FDFT1: variants seen among roughly 807,000 people sequenced by gnomAD.
The protein encoded by FDFT1 is squalene synthase.
In FDFT1, 68 loss-of-function variants were observed where a neutral mutation model predicts 46.8. The ratio of observed to expected loss-of-function variants is 1.45; its 90% CI spans 1.19 to 1.78. FDFT1 has a LOEUF of 1.78. FDFT1 is among the 40% of genes most tolerant of loss of function. The pLI is 0.00. For synonymous variants in FDFT1, 351 were observed against 185.1 expected, an observed-to-expected ratio of 1.90 and a Z score of -7.28; for missense variants, 928 against 524.4, an observed-to-expected ratio of 1.77 and a Z score of -7.52.
intron 3 of FDFT1, among the ~76,000 whole-genome samples, chr8:11,818,531 G>A (rs959648454): frequency 1.3e-5 from 2 of 152,174 alleles, no homozygotes; most frequent in African/African-American, 4.8e-5. Flanking sequence ...CTTGCTTTAT[G>A]AATCTGGGTG....
At chr8:11,825,162 T>G (rs1216041252) in intron 4 of FDFT1, among the ~76,000 whole-genome samples, 1 of 152,190 alleles carries the variant, frequency 6.6e-6, no homozygotes, top group Non-Finnish European at 1.5e-5. Flanking sequence ...GATTAAACCA[T>G]AGTTGGTATT....
intron 7 of FDFT1, among the ~76,000 whole-genome samples, chr8:11,838,151 G>A (rs1381877153): frequency 6.6e-6 from 1 of 152,246 alleles, no homozygotes; most frequent in Admixed American, 6.5e-5. Context: ...TCTGGGTGCA[G>A]TATGCACACC....
At chr8:11,823,016 G>A (rs923959567) in intron 4 of FDFT1, among the ~76,000 whole-genome samples, 15 of 152,148 alleles carry the variant, frequency 9.9e-5, no homozygotes, top group African/African-American at 3.6e-4. Context: ...GTGTAGTGGT[G>A]TGATCACGGC....
In FDFT1 at chr8:11,808,954, T is replaced by C. The variant is rs976763872; in HGVS notation, c.197+63T>C. On this transcript the variant is annotated intron_variant, in intron 2 of 7. Transcript: ENST00000220584. ...GCTTGTCCGGGACCTTTGAGTGTGT[T>C]GGAAGCTACCTTTTGATATAGCGCT... 4 of 1,573,740 alleles carry C rather than the reference T, an allele frequency of 2.5e-6. No individual in the cohort carries two copies. The African/African-American group carries it at 4.1e-5, about 16-fold the overall frequency.
Position 11,826,131 on chromosome 8 carries a change from T to A in FDFT1, c.618T>A (p.Ser206=). 1 of 1,609,610 alleles carries A rather than the reference T, an allele frequency of 6.2e-7. No homozygotes were observed. The highest frequency in any genetic ancestry group is 1.7e-5 in the Admixed American group (1 of 59,958). Residue 206 remains serine, a synonymous_variant, in exon 5 of 8, where the codon TCT becomes TCA. Transcript: ENST00000220584. ...GTGAAGATACAGAACGTGCCAACTC[T>A]ATGGGCCTGTTTTTGCAGAAAACAA... ...LVGEDTERAN[S]MGLFLQKTNI...
intron 7 of FDFT1, among the ~76,000 whole-genome samples, chr8:11,832,763 A>G (rs1041653606): frequency 1.3e-5 from 2 of 151,936 alleles, no homozygotes; most frequent in Non-Finnish European, 2.9e-5. Flanking sequence ...GCCCAGGATG[A>G]TGCTGTGATC....
chr8:11,826,270 T>C (rs1809974451), intron 5 of FDFT1, 55 bp downstream of exon 5: 7 of 1,335,014 alleles, frequency 5.2e-6, no homozygotes, highest in Admixed American at 4.5e-5. Flanking sequence ...CTCTGAAAAA[T>C]CCTTTAACTC....
chr8:11,831,709 CT>C, intron 7 of FDFT1, 39 bp downstream of exon 7: 1 of 1,530,922 alleles, frequency 6.5e-7, no homozygotes, highest in Non-Finnish European at 9.1e-7. Context: ...TTTGTAGCTA[CT>C]TTTATGATTT....
chr8:11,809,331 T>C lies in FDFT1; in HGVS notation c.198-336T>C, dbSNP rs1368815564. The stretch of plus-strand genomic sequence containing the variant: ...TTATACTGAGAAGTTACTGTGTTTT[T>C]TGACTTTCTTTTCTATTTGCTACAT... On this transcript the variant is annotated intron_variant, in intron 2 of 7. Coordinates refer to ENST00000220584, the MANE Select transcript of FDFT1 (RefSeq NM_004462.5). 3.7e-6 allele frequency: 4 copies of C among 1,095,654 alleles called. No homozygotes were observed. The Admixed American group carries it at 1.4e-4, about 38-fold the overall frequency. 67.9% of individuals were successfully genotyped at this position (1,095,654 alleles called of 1,614,324 possible). A position where few individuals can be genotyped will look rare whatever the true frequency, so the allele number is the denominator to read the frequency against.
At chr8:11,802,126 C>G (rs762103694), upstream of FDFT1, 4 of 454,224 alleles carry the variant, frequency 8.8e-6, no homozygotes, top group Non-Finnish European at 1.8e-5. Context: ...GAGGGGGCAG[C>G]TGAAGCTCCA....
chr8:11,821,166 C>A (rs762337250), intron 3 of FDFT1, among the ~76,000 whole-genome samples: 3 of 152,192 alleles, frequency 2.0e-5, no homozygotes, highest in Non-Finnish European at 4.4e-5. Context: ...TTAAACCCAG[C>A]TTTATGTTGA....
At position 11,826,132 on chromosome 8, in the gene FDFT1, A is replaced by T. The variant is rs376734953; in HGVS notation, c.619A>T (p.Met207Leu). ...TGAAGATACAGAACGTGCCAACTCT[A>T]TGGGCCTGTTTTTGCAGAAAACAAA... ...VGEDTERANSMGLFLQKTNII... is the reference protein window; with the variant it reads ...VGEDTERANSLGLFLQKTNII... Residue 207 changes from methionine to leucine, a missense_variant, in exon 5 of 8, where the codon ATG becomes TTG. By Grantham distance (15) the Met-to-Leu change is conservative (BLOSUM62 2). Transcript: ENST00000220584. 3.1e-6 allele frequency: 5 copies of T among 1,609,490 alleles called. No individual in the cohort carries two copies. The Admixed American group carries it at 8.3e-5, about 27-fold the overall frequency.
intron 7 of FDFT1, among the ~76,000 whole-genome samples, chr8:11,836,111 C>G (rs1037917426): frequency 1.3e-5 from 2 of 151,430 alleles, no homozygotes; most frequent in Non-Finnish European, 2.9e-5. Flanking sequence ...CAAGATTGCA[C>G]CACTGCACTC....
At chr8:11,800,112 T>C (rs1391164682), upstream of FDFT1, among the ~76,000 whole-genome samples, 3 of 150,200 alleles carry the variant, frequency 2.0e-5, no homozygotes, top group Non-Finnish European at 4.4e-5. Context: ...ATCGAAAAAT[T>C]ACCCAGGCGT....
At chr8:11,832,748 TAG>T (rs1811012776) in intron 7 of FDFT1, among the ~76,000 whole-genome samples, 2 of 151,718 alleles carry the variant, frequency 1.3e-5, no homozygotes, top group South Asian at 4.2e-4. Context: ...ATCTGGTGAG[TAG>T]AGGCCCAGGA....
intron 4 of FDFT1, among the ~76,000 whole-genome samples, chr8:11,823,487 T>C (rs942492059): frequency 6.6e-6 from 1 of 152,208 alleles, no homozygotes; most frequent in Non-Finnish European, 1.5e-5. Flanking sequence ...CATGTTACTT[T>C]TGTCCCAGAA....
At chr8:11,836,378 C>T (rs894053640) in intron 7 of FDFT1, among the ~76,000 whole-genome samples, 2 of 152,244 alleles carry the variant, frequency 1.3e-5, no homozygotes, top group African/African-American at 2.4e-5. Context: ...TTGCCTTCTG[C>T]TCCAGAGACC....
rs181950228 is a variant in FDFT1, at chr8:11,810,588, T to C, written c.381+738T>C. Among the ~76,000 whole-genome samples the C allele has an allele frequency of 4.6e-3, 706 of 152,352 alleles. 3 individuals are homozygous for C. Among genetic ancestry groups the C allele is most frequent in the Non-Finnish European group, 8.3e-3 (563 of 68,030 alleles). On this transcript the variant is annotated intron_variant, in intron 3 of 7. Transcript: ENST00000220584. ...GTATTAGCTATTTGGTCTATTTTGT[T>C]GGAGTAAAGTGGGTTATAGTTAAAA...
At chr8:11,830,502 T>C in intron 6 of FDFT1, 82 bp downstream of exon 6, 1 of 973,468 alleles carries the variant, frequency 1.0e-6, no homozygotes, top group Non-Finnish European at 1.6e-6. Flanking sequence ...TGTGCTATAT[T>C]CAAGGATATG....
Sources: gnomAD v4.1 joint callset for allele counts (sites outside exome capture counted in the v4.1 genomes callset) on GRCh38, gnomAD v4.1.1 for gene constraint, MANE v1.5 for transcripts, NCBI Gene and HGNC (gene_info 2026-07-23, HGNC 2026-07-21) for gene names.